MTOR: variants seen among roughly 807,000 people sequenced by gnomAD.
MTOR encodes the protein serine/threonine-protein kinase mTOR.
A neutral mutation model predicts 319.8 loss-of-function variants in MTOR; 70 were observed. That is an observed-to-expected ratio of 0.22 (90% confidence interval 0.18 to 0.27). MTOR has a LOEUF of 0.27. MTOR is among the 10% of genes least tolerant of loss of function. The pLI, the probability that MTOR is intolerant of heterozygous loss-of-function variation, is 1.00. For synonymous variants in MTOR, 1,183 were observed against 1,211.4 expected (o/e 0.98, Z 0.49); for missense variants, 1,890 against 3,274.4 (o/e 0.58, Z 10.32).
intron 34 of MTOR, 127 bp from the exon 35 acceptor site, chr1:11,139,785 G>C: frequency 1.7e-6 from 2 of 1,170,330 alleles, no homozygotes; most frequent in Non-Finnish European, 2.4e-6. Flanking sequence ...TCTGCCTCCC[G>C]GGTTCAAGCA....
chr1:11,212,589 G>C lies in MTOR; in HGVS notation c.3399-115C>G, dbSNP rs1646346994. 2.2e-5 allele frequency: 29 copies of C among 1,324,282 alleles called. No individual in the cohort carries two copies. The South Asian group carries it at 3.7e-4, about 17-fold the overall frequency. 82.0% of individuals were successfully genotyped at this position (1,324,282 alleles called of 1,614,324 possible). A position where few individuals can be genotyped will look rare whatever the true frequency, so the allele number is the denominator to read the frequency against. The stretch of plus-strand genomic sequence containing the variant: ...AGGGATGGGAATGAACGGCTTCTAA[G>C]GTATTTTGGATGACATGGATCCAAC... On this transcript the variant is annotated intron_variant, in intron 22 of 57. Coordinates refer to ENST00000361445, the MANE Select transcript of MTOR (RefSeq NM_004958.4). This position sits in a 1 kb window ranked among gnomAD's most constrained non-coding sequence, Gnocchi z 4.1.
rs779641756 is a variant in MTOR at position 11,209,461 on chromosome 1, ACAACCAAAGAT to A, written c.3655-14_3655-4del. The A allele has an allele frequency of 2.5e-6, 4 of 1,613,992 alleles. No individual in the cohort carries two copies. Among genetic ancestry groups the A allele is most frequent in the Non-Finnish European group, 3.4e-6 (4 of 1,179,994 alleles). On this transcript the variant is annotated splice_polypyrimidine_tract_variant and splice_region_variant and intron_variant, in intron 24 of 57. Transcript: ENST00000361445. ...TCTTCATCAGCAAGTGTGTATCCCT[ACAACCAAAGAT>A]TTATAGGAAACACCTATAACTCTAC...
At chr1:11,172,583 A>G (rs1644852715) in intron 28 of MTOR, among the ~76,000 whole-genome samples, 1 of 142,838 alleles carries the variant, frequency 7.0e-6, no homozygotes, top group Non-Finnish European at 1.5e-5. Flanking sequence ...AAAAAATACA[A>G]CTTTGGGCCA....
intron 19 of MTOR, among the ~76,000 whole-genome samples, chr1:11,223,407 G>A (rs1569643661): frequency 6.6e-6 from 1 of 152,054 alleles, no homozygotes; most frequent in South Asian, 2.1e-4. Flanking sequence ...GTATGTATTG[G>A]TGAAATAATA....
chr1:11,239,102 G>C (rs1647631057), intron 11 of MTOR, among the ~76,000 whole-genome samples: 1 of 152,084 alleles, frequency 6.6e-6, no homozygotes, highest in Non-Finnish European at 1.5e-5. Flanking sequence ...GGGTAACAAG[G>C]GGGATTTCAA....
intron 3 of MTOR, among the ~76,000 whole-genome samples, chr1:11,258,224 T>C (rs544144397): frequency 6.6e-5 from 10 of 152,204 alleles, no homozygotes; most frequent in African/African-American, 9.6e-5. Context: ...AAAGGCAATA[T>C]GAAGGAGTGG....
At chr1:11,152,114 C>T (rs1644168533) in intron 30 of MTOR, among the ~76,000 whole-genome samples, 1 of 152,218 alleles carries the variant, frequency 6.6e-6, no homozygotes, top group Non-Finnish European at 1.5e-5. Flanking sequence ...AAGAGCATTG[C>T]TCTTCCACAA....
chr1:11,150,853 A>G (rs1033724710), intron 30 of MTOR, among the ~76,000 whole-genome samples: 6 of 152,210 alleles, frequency 3.9e-5, no homozygotes, highest in African/African-American at 1.4e-4. Flanking sequence ...TGGAAGCCCT[A>G]GAATAGGGTC....
Position 11,121,402 on chromosome 1 carries a change from A to G in MTOR, c.6811-34T>C, listed in dbSNP as rs752591709. ...GGACACAACTGTTCAGTAAGAGAGC[A>G]GCCTAAGACATGTAGTTTGGGTCCA... On this transcript the variant is annotated intron_variant, in intron 48 of 57. Coordinates refer to ENST00000361445, the MANE Select transcript of MTOR (RefSeq NM_004958.4). The surrounding 1 kb of genome is among the most constrained non-coding windows in gnomAD (Gnocchi z 4.9). 2.5e-6 allele frequency: 4 copies of G among 1,611,978 alleles called. No homozygotes were observed. Among genetic ancestry groups the G allele is most frequent in the Non-Finnish European group, 3.4e-6 (4 of 1,179,252 alleles).
At position 11,219,886 on chromosome 1, in the gene MTOR, T is replaced by C. The variant is rs539427901; in HGVS notation, c.3031-3652A>G. 1.3e-4 allele frequency among the ~76,000 whole-genome samples: 19 copies of C among 151,404 alleles called. No homozygotes were observed. In the East Asian group the frequency reaches 3.3e-3, roughly 26 times the overall value. On this transcript the variant is annotated intron_variant, in intron 19 of 57. Coordinates refer to ENST00000361445, the MANE Select transcript of MTOR (RefSeq NM_004958.4). ...TGAAAATGCAAAAAACAAAAAAAAT[T>C]AGCCAGCATGGTGGTGCACGCCTGT...
intron 25 of MTOR, among the ~76,000 whole-genome samples, chr1:11,205,125 A>G (rs1313754917): frequency 6.6e-6 from 1 of 152,242 alleles, no homozygotes; most frequent in East Asian, 1.9e-4. Context: ...ATAGTGAATC[A>G]TGTTGCAACC....
chr1:11,195,203 T>C (rs1211421925), intron 28 of MTOR: 25 of 697,214 alleles, frequency 3.6e-5, no homozygotes, highest in Non-Finnish European at 7.0e-6. Context: ...GATGTTACAG[T>C]AAACAGGATG....
Position 11,126,765 on chromosome 1 carries a change from G to C in MTOR, c.6383C>G (p.Pro2128Arg), listed in dbSNP as rs1228382708. 2.5e-6 allele frequency: 4 copies of C among 1,614,012 alleles called. No individual in the cohort carries two copies. In the African/African-American group the frequency reaches 5.3e-5, roughly 22 times the overall value. The change falls in exon 46 of 58, where the codon CCA (proline) becomes CGA (arginine). Residue 2128 changes from proline to arginine, a missense_variant. Physicochemically the swap from Pro to Arg is moderately radical, Grantham distance 103. Around this residue, in one of 15 missense-constraint regions of MTOR, gnomAD observed 249 missense variants for 596.2 expected, o/e 0.42. Transcript: ENST00000361445. ...LTSLELQYVS[P>R]KLLMCRDLEL... ...AAGGTCCCGGCACATCAGAAGTTTT[G>C]GGGAAACATATTGCAGCTCTAAGGA...
chr1:11,186,443 A>G (rs1324510204), intron 28 of MTOR, among the ~76,000 whole-genome samples: 1 of 152,208 alleles, frequency 6.6e-6, no homozygotes, highest in Admixed American at 6.5e-5. Context: ...GTACAACCTC[A>G]CTGACTTTTT....
At chr1:11,240,859 C>G (rs1569758681) in intron 10 of MTOR, among the ~76,000 whole-genome samples, 1 of 152,032 alleles carries the variant, frequency 6.6e-6, no homozygotes, top group African/African-American at 2.4e-5. Flanking sequence ...ATGAAGAGAA[C>G]TTAGTTTAGG....
intron 8 of MTOR, 93 bp from the exon 9 acceptor site, chr1:11,243,393 G>T: frequency 2.4e-6 from 3 of 1,252,980 alleles, no homozygotes; most frequent in Non-Finnish European, 2.2e-6. Context: ...TTCAGTTTAA[G>T]AATAAATTAA....
At chr1:11,140,076 C>T (rs781718300) in intron 34 of MTOR, among the ~76,000 whole-genome samples, 5 of 152,044 alleles carry the variant, frequency 3.3e-5, no homozygotes, top group Non-Finnish European at 7.4e-5. Flanking sequence ...CTGCCTGCTT[C>T]GGCTCCCAAA....
intron 28 of MTOR, chr1:11,194,641 T>A (rs182647808): frequency 6.2e-7 from 1 of 1,613,998 alleles, no homozygotes; most frequent in Non-Finnish European, 8.5e-7. Context: ...CTTGGACAAG[T>A]GTGCACAGCT....
intron 28 of MTOR, among the ~76,000 whole-genome samples, chr1:11,170,088 A>G (rs12133655): frequency 0.059 from 8,999 of 152,302 alleles, 377 homozygotes; most frequent in South Asian, 0.12. Flanking sequence ...AAGGCAATGA[A>G]CCAGAATATG....
Sources: allele counts gnomAD v4.1 joint callset (sites outside exome capture counted in the v4.1 genomes callset), GRCh38; gene constraint gnomAD v4.1.1; regional missense constraint gnomAD v4.1.1; non-coding constraint Gnocchi (gnomAD v3.1); transcripts MANE v1.5; gene names NCBI Gene and HGNC (gene_info 2026-07-23, HGNC 2026-07-21).